ACO1: variants seen among roughly 807,000 people sequenced by gnomAD.
ACO1 encodes the protein aconitase 1, also known as cytoplasmic aconitate hydratase.
In ACO1, 78 loss-of-function variants were observed where a neutral mutation model predicts 105.1. The observed-to-expected ratio is 0.74, with a 90% CI of 0.62 to 0.90. The LOEUF is 0.90. ACO1 is among the 40% of genes least tolerant of loss of function. ACO1 has a pLI of 0.00. For missense variants in ACO1, 965 were observed against 1,111.1 expected (o/e 0.87, Z 1.87); for synonymous variants, 364 against 397.4 (o/e 0.92, Z 1.00).
Position 32,450,714 on chromosome 9 carries a change from A to G in ACO1, c.*603A>G, listed in dbSNP as rs2118595648. 6.6e-6 allele frequency: 1 copy of G among 152,180 alleles called. No individual in the cohort carries two copies. Among genetic ancestry groups the G allele is most frequent in the East Asian group, 1.9e-4 (1 of 5,178 alleles). The allele number at this position is 152,180 out of a possible 1,614,324, so 9.4% of individuals were successfully genotyped here. A position where few individuals can be genotyped will look rare whatever the true frequency, so the allele number is the denominator to read the frequency against. ...TATGTACCTTTTGATAGATCCACATAAAAAGAAATGTGAAGTTTTCTTTTA... is the reference window on the plus strand; with the variant it reads ...TATGTACCTTTTGATAGATCCACATGAAAAGAAATGTGAAGTTTTCTTTTA... On this transcript the variant is annotated 3_prime_UTR_variant, in exon 21 of 21. Transcript: ENST00000309951.
At chr9:32,416,220 G>T (rs955191523) in intron 4 of ACO1, among the ~76,000 whole-genome samples, 1 of 151,244 alleles carries the variant, frequency 6.6e-6, no homozygotes, top group African/African-American at 2.4e-5. Flanking sequence ...TCAGCCTCTC[G>T]AGTAGCTGGG....
At chr9:32,408,390 A>G in intron 3 of ACO1, 124 bp from the exon 4 acceptor site, 1 of 1,089,622 alleles carries the variant, frequency 9.2e-7, no homozygotes, top group Non-Finnish European at 1.3e-6. Flanking sequence ...TCTAAGTCTC[A>G]CCCATTGTTA....
chr9:32,389,224 C>T (rs961623761), intron 1 of ACO1, among the ~76,000 whole-genome samples: 3 of 152,180 alleles, frequency 2.0e-5, no homozygotes, highest in Admixed American at 6.5e-5. Flanking sequence ...CATATATGTA[C>T]GAGTGTGCCC....
At chr9:32,389,151 AAAAG>A (rs1291471156) in intron 1 of ACO1, among the ~76,000 whole-genome samples, 4 of 152,246 alleles carry the variant, frequency 2.6e-5, no homozygotes. Flanking sequence ...TTAAACTAAA[AAAAG>A]CATGTTACAC....
intron 8 of ACO1, 120 bp from the exon 9 acceptor site, chr9:32,423,195 GGTGT>G (rs958451170): frequency 3.7e-6 from 2 of 545,606 alleles, no homozygotes; most frequent in South Asian, 2.6e-5. Flanking sequence ...CAGAGCTGTT[GGTGT>G]GTGTGTAAGT....
At position 32,429,138 on chromosome 9, in the gene ACO1, ATAG is replaced by A. The variant is rs150531992; in HGVS notation, c.1485-276_1485-274del. On this transcript the variant is annotated intron_variant, in intron 12 of 20. Coordinates refer to ENST00000309951, the MANE Select transcript of ACO1 (RefSeq NM_002197.3). ...CAAATCTCCTTAGGATTATACAATA[ATAG>A]TAGTTAATGAAGATATGGCATATAT... Among the ~76,000 whole-genome samples, 196 of 152,338 alleles carry A rather than the reference ATAG, an allele frequency of 1.3e-3. 2 individuals are homozygous for A. The highest frequency in any genetic ancestry group is 4.6e-3 in the African/African-American group (192 of 41,576).
At chr9:32,414,933 A>C (rs568271086) in intron 4 of ACO1, among the ~76,000 whole-genome samples, 1 of 152,276 alleles carries the variant, frequency 6.6e-6, no homozygotes, top group South Asian at 2.1e-4. Context: ...TGCAGTTGAT[A>C]AGTGTAGTCA....
At chr9:32,424,998 T>C (rs1345978607) in intron 10 of ACO1, among the ~76,000 whole-genome samples, 1 of 152,240 alleles carries the variant, frequency 6.6e-6, no homozygotes, top group Non-Finnish European at 1.5e-5. Flanking sequence ...CTCATATTAC[T>C]CTGTTCTGTG....
At chr9:32,399,528 CG>C (rs1821443180) in intron 1 of ACO1, among the ~76,000 whole-genome samples, 1 of 152,088 alleles carries the variant, frequency 6.6e-6, no homozygotes. Flanking sequence ...TCCTTTCACT[CG>C]GCTCTTTTCT....
chr9:32,418,872 T>A (rs1318866954), intron 6 of ACO1, among the ~76,000 whole-genome samples, 166 bp from the exon 7 acceptor site: 1 of 152,238 alleles, frequency 6.6e-6, no homozygotes, highest in Non-Finnish European at 1.5e-5. Flanking sequence ...TAAAAAATTC[T>A]ATAAAGGAAA....
chr9:32,418,012 A>G, intron 4 of ACO1, 116 bp from the exon 5 acceptor site: 1 of 835,814 alleles, frequency 1.2e-6, no homozygotes, highest in Non-Finnish European at 1.9e-6. Flanking sequence ...TGAAATTCAT[A>G]TTATCACTCA....
At chr9:32,392,242 A>G (rs1002514998) in intron 1 of ACO1, among the ~76,000 whole-genome samples, 1 of 152,108 alleles carries the variant, frequency 6.6e-6, no homozygotes, top group African/African-American at 2.4e-5. Context: ...GGTGCAAGAG[A>G]GTTGGTTCTG....
intron 1 of ACO1, among the ~76,000 whole-genome samples, chr9:32,395,066 A>C (rs770009077): frequency 3.3e-5 from 5 of 152,234 alleles, no homozygotes; most frequent in Non-Finnish European, 7.3e-5. Flanking sequence ...AAATGAGTTC[A>C]GGAGCCTGAG....
In ACO1 at chr9:32,407,276, C is replaced by T. The variant is rs537741206; in HGVS notation, c.113C>T (p.Ser38Leu). 4.0e-5 allele frequency: 65 copies of T among 1,613,962 alleles called. No homozygotes were observed. In the South Asian group the frequency reaches 5.5e-4, roughly 14 times the overall value. The change falls in exon 3 of 21, where the codon TCG becomes TTG. Residue 38 changes from serine (S) to leucine (L), a missense_variant. Coordinates refer to ENST00000309951, the MANE Select transcript of ACO1 (RefSeq NM_002197.3). Reference protein sequence around the residue: ...EDSRYGRLPFSIRVLLEAAIR... With the variant: ...EDSRYGRLPFLIRVLLEAAIR... Reference sequence around the variant, plus strand: ...TAACTCTTAGGGCGCTTACCATTTTCGATCAGAGTTCTTCTGGAAGCAGCC... The same window carrying T: ...TAACTCTTAGGGCGCTTACCATTTTTGATCAGAGTTCTTCTGGAAGCAGCC...
rs2118551776 is a variant in ACO1, at chr9:32,439,750, T to C, written c.2248-715T>C. 6.6e-6 allele frequency among the ~76,000 whole-genome samples: 1 copy of C among 152,368 alleles called. No homozygotes were observed. The highest frequency in any genetic ancestry group is 1.5e-5 in the Non-Finnish European group (1 of 68,026). On this transcript the variant is annotated intron_variant, in intron 18 of 20. Transcript: ENST00000309951. The surrounding 1 kb of genome is among the most constrained non-coding windows in gnomAD (Gnocchi z 4.0). ...ATTTCAGAACATGTTACCTTCTTTG[T>C]GTTTTGCTAATTTTACAACTGACAT... is the stretch of plus-strand genomic sequence containing the variant.
intron 20 of ACO1, 27 bp from the exon 21 acceptor site, chr9:32,449,968 CAAT>C (rs1822720563): frequency 1.3e-6 from 2 of 1,587,158 alleles, no homozygotes; most frequent in Non-Finnish European, 1.7e-6. Context: ...CCACCTCCCT[CAAT>C]GATGCTTCTG....
At chr9:32,389,073 C>G (rs1821211570) in intron 1 of ACO1, among the ~76,000 whole-genome samples, 1 of 152,146 alleles carries the variant, frequency 6.6e-6, no homozygotes, top group Admixed American at 6.5e-5. Context: ...AATACTAGTT[C>G]AAAGTGTTCC....
chr9:32,391,739 C>A (rs72563723), intron 1 of ACO1, among the ~76,000 whole-genome samples: 3,631 of 152,292 alleles, frequency 0.024, 62 homozygotes, highest in Non-Finnish European at 0.034. Flanking sequence ...TGGCATAGTT[C>A]ATGAAGAAGA....
At chr9:32,391,003 T>A (rs1821256858) in intron 1 of ACO1, among the ~76,000 whole-genome samples, 1 of 152,202 alleles carries the variant, frequency 6.6e-6, no homozygotes, top group Non-Finnish European at 1.5e-5. Context: ...TTTAAATACT[T>A]GTTTTAGAAT....
Sources: allele counts gnomAD v4.1 joint callset (sites outside exome capture counted in the v4.1 genomes callset), GRCh38; gene constraint gnomAD v4.1.1; non-coding constraint Gnocchi (gnomAD v3.1); transcripts MANE v1.5; gene names NCBI Gene and HGNC (gene_info 2026-07-23, HGNC 2026-07-21).